Variants in SNRNP35 observed in about 807,000 individuals in gnomAD.
SNRNP35 encodes U11/U12 small nuclear ribonucleoprotein 35 kDa protein.
SNRNP35 carries 16 observed loss-of-function variants against 24.3 expected under a neutral mutation model. The observed-to-expected ratio is 0.66, with a 90% CI of 0.45 to 1.00. The LOEUF is 1.00. Among genes scored for constraint, SNRNP35 ranks in the 50% least tolerant of loss-of-function variants. The pLI, the probability that SNRNP35 is intolerant of heterozygous loss-of-function variation, is 0.00. For synonymous variants in SNRNP35, 106 were observed against 124.8 expected (o/e 0.85, Z 1.00); for missense variants, 292 against 327.2 (o/e 0.89, Z 0.83).
chr12:123,465,606 C>T lies in SNRNP35; in HGVS notation c.66C>T (p.Thr22=), dbSNP rs73412248. 12,319 of 1,605,282 alleles carry T rather than the reference C, an allele frequency of 7.7e-3. 635 individuals carry two copies. In the African/African-American group the frequency reaches 0.13, roughly 16 times the overall value. The change falls in exon 2 of 2, where the codon ACC becomes ACT. Residue 22 remains threonine, a synonymous_variant. Transcript: ENST00000526639. The surrounding 1 kb of genome is among the most constrained non-coding windows in gnomAD (Gnocchi z 4.2). ...DPLKAGSIDG[T]DEDPHDRAVW... ...TCAAAGCGGGCAGCATTGATGGCAC[C>T]GATGAAGACCCACACGACCGCGCGG...
exon 2 of SNRNP35, chr12:123,473,093 A>G (rs11535679): frequency 0.82 from 143,589 of 175,726 alleles, 59,133 homozygotes; most frequent in East Asian, 1. Context: ...GTTGTAAACG[A>G]ATGAGTATTT....
chr12:123,464,956 G>A (rs1248038623), intron 1 of SNRNP35: 1 of 152,142 alleles, frequency 6.6e-6, no homozygotes, highest in African/African-American at 2.4e-5. Context: ...ATTTCCACAC[G>A]AATGATGTGA....
intron 1 of SNRNP35, among the ~76,000 whole-genome samples, 158 bp downstream of exon 1, chr12:123,458,374 G>A (rs1031787591): frequency 6.6e-6 from 1 of 152,042 alleles, no homozygotes; most frequent in East Asian, 1.9e-4. Flanking sequence ...GGGGACGAGA[G>A]CTGGATTGGA....
chr12:123,465,786 G>C lies in SNRNP35; in HGVS notation c.246G>C (p.Leu82=). The C allele has an allele frequency of 6.2e-7, 1 of 1,614,124 alleles. No individual in the cohort carries two copies. The highest frequency in any genetic ancestry group is 1.3e-5 in the African/African-American group (1 of 75,044). ...SRYGDIRRLR[L]VRDLVTGFSK... is the part of the protein sequence containing the mutation. The stretch of plus-strand genomic sequence containing the variant: ...ATGGTGACATCCGGCGGCTTCGGCT[G>C]GTCAGGGACTTGGTCACAGGTTTTT... The change falls in exon 2 of 2, where the codon CTG becomes CTC. Residue 82 remains leucine (L), a synonymous_variant. Transcript: ENST00000526639. This position sits in a 1 kb window ranked among gnomAD's most constrained non-coding sequence, Gnocchi z 4.2.
exon 2 of SNRNP35, chr12:123,472,501 C>T (rs1181060751): frequency 5.8e-6 from 9 of 1,547,890 alleles, no homozygotes; most frequent in East Asian, 2.4e-5. Context: ...GCGCTGGTGG[C>T]GGGCAGTCCA....
rs201118180 is a variant in SNRNP35, at chr12:123,466,278, G to A, written c.738G>A (p.Lys246=). The change falls in exon 2 of 2, where the codon AAG becomes AAA. Residue 246 remains lysine, a synonymous_variant. Coordinates refer to ENST00000526639, the MANE Select transcript of SNRNP35 (RefSeq NM_022717.4). ...GGAGGGAGAAGAAGGAAAGAGGCAAGTAGAGGCCCAACAGCAGAACCCCAA... is the reference window on the plus strand; with the variant it reads ...GGAGGGAGAAGAAGGAAAGAGGCAAATAGAGGCCCAACAGCAGAACCCCAA... ...IKGREKKERG[K] The A allele has an allele frequency of 1.3e-6, 2 of 1,517,512 alleles. No homozygotes were observed. Among genetic ancestry groups the A allele is most frequent in the African/African-American group, 2.8e-5 (2 of 71,652 alleles). 94.0% of individuals were successfully genotyped at this position (1,517,512 alleles called of 1,614,324 possible). A position where few individuals can be genotyped will look rare whatever the true frequency, so the allele number is the denominator to read the frequency against.
At chr12:123,464,946 A>C (rs566575535) in intron 1 of SNRNP35, 1 of 152,336 alleles carries the variant, frequency 6.6e-6, no homozygotes, top group South Asian at 2.1e-4. Flanking sequence ...TAGTAAAAAA[A>C]TTTCCACACG....
downstream of SNRNP35, among the ~76,000 whole-genome samples, chr12:123,468,674 A>G (rs1881064460): frequency 6.6e-6 from 1 of 152,204 alleles, no homozygotes. Context: ...TGGGTGACAG[A>G]GTAAGACCCT....
At chr12:123,462,240 A>G (rs1291124389) in intron 1 of SNRNP35, among the ~76,000 whole-genome samples, 1 of 152,156 alleles carries the variant, frequency 6.6e-6, no homozygotes, top group Non-Finnish European at 1.5e-5. Flanking sequence ...CCGCAAGTGG[A>G]TATGAGGGAG....
chr12:123,469,927 A>T (rs939159755), downstream of SNRNP35: 1 of 151,788 alleles, frequency 6.6e-6, no homozygotes, highest in Non-Finnish European at 1.5e-5. Context: ...AGTCCCATCT[A>T]CTCGGGAGGC....
exon 2 of SNRNP35, chr12:123,472,881 T>C (rs970199294): frequency 9.0e-5 from 52 of 580,650 alleles, no homozygotes; most frequent in Admixed American, 2.4e-4. Flanking sequence ...TTGGACACGG[T>C]ACCTTGGAGG....
At chr12:123,473,025 A>G (rs1040544317) in exon 2 of SNRNP35, 1 of 232,342 alleles carries the variant, frequency 4.3e-6, no homozygotes, top group Non-Finnish European at 8.7e-6. Flanking sequence ...TTCTTTAATT[A>G]CCCTAATGAC....
downstream of SNRNP35, chr12:123,467,001 A>C (rs1263026601): frequency 6.6e-6 from 1 of 152,246 alleles, no homozygotes; most frequent in Non-Finnish European, 1.5e-5. Context: ...ATTTTCTTCC[A>C]TCTATTTTAA....
In SNRNP35 at chr12:123,463,206, G is replaced by A. The variant is rs530667665; in HGVS notation, c.-3-2332G>A. On this transcript the variant is annotated intron_variant, in intron 1 of 1. Transcript: ENST00000526639. The stretch of plus-strand genomic sequence containing the variant: ...CCCCCTAGTAGCTGGGACTACAGGC[G>A]TGCACCACCATGCCTGGCTAATATT... Among the ~76,000 whole-genome samples the A allele has an allele frequency of 9.4e-4, 143 of 151,910 alleles. 3 individuals are homozygous for A. In the Middle Eastern group the frequency reaches 0.01, roughly 11 times the overall value.
rs1299602472 is a variant in SNRNP35 at position 123,465,251 on chromosome 12, C to G, written c.-3-287C>G. ...ATAGTTGGTAAGTGCCCTTCCGTGG[C>G]TGAGCCAGATGCTGCATATATGGGT... On this transcript the variant is annotated intron_variant, in intron 1 of 1. Transcript: ENST00000526639. The surrounding 1 kb of genome is among the most constrained non-coding windows in gnomAD (Gnocchi z 4.2). Among the ~76,000 whole-genome samples the G allele has an allele frequency of 2.6e-5, 4 of 152,212 alleles. No individual in the cohort carries two copies. The East Asian group carries it at 7.7e-4, about 29-fold the overall frequency.
Position 123,466,279 on chromosome 12 carries a change from T to C in SNRNP35, c.739T>C (p.Ter247GlnextTer9), listed in dbSNP as rs192988785. 7.1e-5 allele frequency: 108 copies of C among 1,516,596 alleles called. 1 individual carries two copies. In the African/African-American group the frequency reaches 1.4e-3, roughly 20 times the overall value. The allele number at this position is 1,516,596 out of a possible 1,614,324, so 93.9% of individuals were successfully genotyped here. A position where few individuals can be genotyped will look rare whatever the true frequency, so the allele number is the denominator to read the frequency against. Residue 247 changes from the stop codon to glutamine (Q), a stop_lost, in exon 2 of 2, where the codon TAG (stop) becomes CAG (glutamine). Transcript: ENST00000526639. The stretch of plus-strand genomic sequence containing the variant: ...GAGGGAGAAGAAGGAAAGAGGCAAG[T>C]AGAGGCCCAACAGCAGAACCCCAAA... Reference protein sequence around the residue: ...KGREKKERGK* With the variant: ...KGREKKERGKQ
downstream of SNRNP35, chr12:123,467,050 C>T (rs1474990834): frequency 1.3e-5 from 2 of 152,188 alleles, no homozygotes; most frequent in Non-Finnish European, 2.9e-5. Flanking sequence ...AGGTTATGAC[C>T]TAATCACACT....
intron 1 of SNRNP35, among the ~76,000 whole-genome samples, chr12:123,460,860 G>C: frequency 6.6e-6 from 1 of 151,042 alleles, no homozygotes; most frequent in East Asian, 1.9e-4. Flanking sequence ...GTTACTCCAT[G>C]TTGGTCAGGC....
In SNRNP35 at chr12:123,472,462, A is replaced by G. The variant is rs1196613994; in HGVS notation, n.1469A>G. On this transcript the variant is annotated non_coding_transcript_exon_variant, in exon 2 of 2. Transcript: ENST00000527158. ...CTGCACCGAGAGGCTTGAGGCAGCA[A>G]TGACCCCTGGGCTGCAGTTCGGTTG... The G allele has an allele frequency of 2.2e-5, 33 of 1,500,476 alleles. No individual in the cohort carries two copies. The South Asian group carries it at 2.4e-4, about 11-fold the overall frequency. 92.9% of individuals were successfully genotyped at this position (1,500,476 alleles called of 1,614,324 possible).
Sources: allele counts gnomAD v4.1 joint callset (sites outside exome capture counted in the v4.1 genomes callset), GRCh38; gene constraint gnomAD v4.1.1; non-coding constraint Gnocchi (gnomAD v3.1); transcripts MANE v1.5; gene names NCBI Gene and HGNC (gene_info 2026-07-23, HGNC 2026-07-21).